The following TRPV6 variants were observed in gnomAD, a reference collection of about 807,000 sequenced individuals.
TRPV6 encodes the protein Alu-binding protein with zinc finger domain.
Under a neutral mutation model 79.0 loss-of-function variants are expected in TRPV6, and 39 were observed. The ratio of observed to expected loss-of-function variants is 0.49; its 90% CI spans 0.38 to 0.64. The LOEUF (loss-of-function observed/expected upper bound fraction) is 0.64, where lower values mean the gene tolerates loss of function less well. Ranked by LOEUF, TRPV6 falls within the 30% of genes least tolerant of loss-of-function variation. The pLI, the probability that TRPV6 is intolerant of heterozygous loss-of-function variation, is 0.00. For synonymous variants in TRPV6, 373 were observed against 391.9 expected, an observed-to-expected ratio of 0.95 and a Z score of 0.57; for missense variants, 813 against 1,011.1, an observed-to-expected ratio of 0.80 and a Z score of 2.66.
In TRPV6 at chr7:142,874,920, G is replaced by T; in HGVS notation, c.1390C>A (p.Pro464Thr). The change falls in exon 10 of 15, where the codon CCA becomes ACA. Residue 464 changes from proline (P) to threonine (T), a missense_variant. By Grantham distance (38) the Pro-to-Thr change is conservative. Around this residue, in one of 3 missense-constraint regions of TRPV6, gnomAD observed 555 missense variants for 631.0 expected, o/e 0.88. Transcript: ENST00000359396. Reference sequence around the variant, plus strand: ...GAAACTCACATGAGGACATGGAATGGGCCCCCAAGGATGGTCTGTCCAAAG... The same window carrying T: ...GAAACTCACATGAGGACATGGAATGTGCCCCCAAGGATGGTCTGTCCAAAG... The T allele has an allele frequency of 6.2e-7, 1 of 1,614,096 alleles. No homozygotes were observed. Among genetic ancestry groups the T allele is most frequent in the Non-Finnish European group, 8.5e-7 (1 of 1,180,012 alleles).
chr7:142,874,904 A>C lies in TRPV6; in HGVS notation c.1406T>G (p.Ile469Ser). The change falls in exon 10 of 15, where the codon ATC (isoleucine) becomes AGC (serine). Residue 469 changes from isoleucine (I) to serine (S), a missense_variant and splice_region_variant. Coordinates refer to ENST00000359396, the MANE Select transcript of TRPV6 (RefSeq NM_018646.6). ...TGGGAGTGAGAGGAAGGAAACTCAC[A>C]TGAGGACATGGAATGGGCCCCCAAG... 2 of 1,614,168 alleles carry C rather than the reference A, an allele frequency of 1.2e-6. No individual in the cohort carries two copies.
At chr7:142,879,121 G>T (rs1795144238) in intron 1 of TRPV6, 1 of 152,198 alleles carries the variant, frequency 6.6e-6, no homozygotes, top group African/African-American at 2.4e-5. Flanking sequence ...GGCCAACAAT[G>T]ACAGATGCAG....
At chr7:142,874,278 G>A (rs1281521389) in intron 11 of TRPV6, 136 bp from the exon 12 acceptor site, 1 of 1,173,466 alleles carries the variant, frequency 8.5e-7, no homozygotes, top group Non-Finnish European at 1.2e-6. Flanking sequence ...TATGGCCTGT[G>A]GACCAGATCT....
At chr7:142,877,532 A>T (rs534252270) in intron 3 of TRPV6, 119 bp downstream of exon 3, 2 of 1,507,658 alleles carry the variant, frequency 1.3e-6, no homozygotes, top group East Asian at 4.5e-5. Context: ...CAGAGAAGAG[A>T]AAAAAAGAGT....
chr7:142,873,841 A>G lies in TRPV6; in HGVS notation c.1640-125T>C, dbSNP rs1794996185. The G allele has an allele frequency of 5.7e-6, 8 of 1,408,640 alleles. No individual in the cohort carries two copies. Among genetic ancestry groups the G allele is most frequent in the African/African-American group, 1.4e-5 (1 of 69,874 alleles). The allele number at this position is 1,408,640 out of a possible 1,614,324, so 87.3% of individuals were successfully genotyped here. On this transcript the variant is annotated intron_variant, in intron 12 of 14. Coordinates refer to ENST00000359396, the MANE Select transcript of TRPV6 (RefSeq NM_018646.6). This position sits in a 1 kb window ranked among gnomAD's most constrained non-coding sequence, Gnocchi z 4.8. ...ATATCACCAGCTCTGCAGTGCTCCA[A>G]ACTTTGGGTTTTTACGGTCCCTAGT...
At chr7:142,881,189 G>A (rs1795183387) in intron 1 of TRPV6, 2 of 152,188 alleles carry the variant, frequency 1.3e-5, no homozygotes, top group South Asian at 4.1e-4. Flanking sequence ...GGTGCACAGA[G>A]CTGACCTACT....
At position 142,876,834 on chromosome 7, in the gene TRPV6, T is replaced by C; in HGVS notation, c.611A>G (p.Glu204Gly). The C allele has an allele frequency of 6.2e-7, 1 of 1,613,958 alleles. No homozygotes were observed. The highest frequency in any genetic ancestry group is 8.5e-7 in the Non-Finnish European group (1 of 1,179,956). Residue 204 changes from glutamate to glycine, a missense_variant, in exon 5 of 15, where the codon GAG becomes GGG. Coordinates refer to ENST00000359396, the MANE Select transcript of TRPV6 (RefSeq NM_018646.6). ...ACAGGCAGCAAAGGACAAAGGGTGC[T>C]CCCCTGTGGACACAGAGAGATCTAT...
chr7:142,875,259 T>G (rs1269630752), intron 8 of TRPV6, 95 bp from the exon 9 acceptor site: 4 of 1,457,722 alleles, frequency 2.7e-6, no homozygotes, highest in Non-Finnish European at 3.8e-6. Flanking sequence ...TAGCAGATTC[T>G]TTTTAATCTG....
chr7:142,875,715 C>G, intron 7 of TRPV6, 35 bp from the exon 8 acceptor site: 1 of 1,601,656 alleles, frequency 6.2e-7, no homozygotes, highest in South Asian at 1.1e-5. Context: ...CTCAGAGACC[C>G]TGACACCCCT....
chr7:142,881,334 T>C (rs1268322217), intron 1 of TRPV6: 1 of 152,122 alleles, frequency 6.6e-6, no homozygotes, highest in Non-Finnish European at 1.5e-5. Context: ...CTGCAAAGAA[T>C]TATCCTGTCC....
In TRPV6 at chr7:142,874,644, G is replaced by T; in HGVS notation, c.1419C>A (p.Ala473=). 6.2e-7 allele frequency: 1 copy of T among 1,613,824 alleles called. No homozygotes were observed. Among genetic ancestry groups the T allele is most frequent in the Non-Finnish European group, 8.5e-7 (1 of 1,179,820 alleles). Reference sequence around the variant, plus strand: ...TCACCATGGTCACCAGCACCATGAAGGCATAGGTGATGCTGGGGGAGCAGG... The same window carrying T: ...TCACCATGGTCACCAGCACCATGAATGCATAGGTGATGCTGGGGGAGCAGG... The change falls in exon 11 of 15, where the codon GCC becomes GCA. Residue 473 remains alanine, a synonymous_variant. Coordinates refer to ENST00000359396, the MANE Select transcript of TRPV6 (RefSeq NM_018646.6).
chr7:142,878,156 A>G (rs1329149514), intron 1 of TRPV6, 130 bp from the exon 2 acceptor site: 4 of 725,784 alleles, frequency 5.5e-6, no homozygotes, highest in African/African-American at 1.8e-5. Flanking sequence ...AGGGTCTTCA[A>G]TCAAGGCAGG....
Position 142,877,190 on chromosome 7 carries a change from C to G in TRPV6, c.559G>C (p.Ala187Pro), listed in dbSNP as rs764980896. Residue 187 changes from alanine (A) to proline (P), a missense_variant, in exon 4 of 15, where the codon GCC (alanine) becomes CCC (proline). Ala to Pro is a conservative substitution (Grantham distance 27). Coordinates refer to ENST00000359396, the MANE Select transcript of TRPV6 (RefSeq NM_018646.6). ...CTACGGCGGAAGGCAGTGCCTGTGGCTCTGGCAGAGACACTGGCCCTGCGG... is the reference window on the plus strand; with the variant it reads ...CTACGGCGGAAGGCAGTGCCTGTGGGTCTGGCAGAGACACTGGCCCTGCGG... The G allele has an allele frequency of 6.2e-7, 1 of 1,614,210 alleles. No homozygotes were observed.
chr7:142,875,309 A>C (rs1795035110), intron 8 of TRPV6, 145 bp from the exon 9 acceptor site: 2 of 1,227,342 alleles, frequency 1.6e-6, no homozygotes, highest in African/African-American at 3.1e-5. Flanking sequence ...TCAGAGTAAG[A>C]GCGTATGTGT....
At chr7:142,874,410 C>G in intron 11 of TRPV6, 81 bp downstream of exon 11, 1 of 1,552,094 alleles carries the variant, frequency 6.4e-7, no homozygotes, top group Admixed American at 1.7e-5. Flanking sequence ...CCTGCAATGT[C>G]TACTGTTCTG....
intron 1 of TRPV6, chr7:142,883,316 AAG>A (rs1308912384): frequency 9.2e-5 from 14 of 152,172 alleles, no homozygotes; most frequent in Admixed American, 9.2e-4. Context: ...CCACTGTAAA[AAG>A]AGGAGTTTGG....
At position 142,874,573 on chromosome 7, in the gene TRPV6, G is replaced by A. The variant is rs771368817; in HGVS notation, c.1490C>T (p.Ala497Val). 2.5e-6 allele frequency: 4 copies of A among 1,614,084 alleles called. No homozygotes were observed. Among genetic ancestry groups the A allele is most frequent in the Non-Finnish European group, 3.4e-6 (4 of 1,180,020 alleles). ...GACGTTGCACCAGCCCAGCACGAGTGCAAAGGACATGGGTACCACCTCCCC... is the reference window on the plus strand; with the variant it reads ...GACGTTGCACCAGCCCAGCACGAGTACAAAGGACATGGGTACCACCTCCCC... The change falls in exon 11 of 15, where the codon GCA becomes GTA. Residue 497 changes from alanine (A) to valine (V), a missense_variant. Physicochemically the swap from Ala to Val is moderately conservative, Grantham distance 64. Around this residue, in one of 3 missense-constraint regions of TRPV6, gnomAD observed 94 missense variants for 194.0 expected, o/e 0.48. Coordinates refer to ENST00000359396, the MANE Select transcript of TRPV6 (RefSeq NM_018646.6).
chr7:142,875,126 G>A lies in TRPV6; in HGVS notation c.1281C>T (p.Val427=), dbSNP rs375176748. 80 of 1,613,886 alleles carry A rather than the reference G, an allele frequency of 5.0e-5. No individual in the cohort carries two copies. Among genetic ancestry groups the A allele is most frequent in the South Asian group, 1.9e-4 (17 of 91,070 alleles). ...CCCCAATGACAGTCACCAGCTCCCC[G>A]ACCAGCCGGATATCGTCCTTAGGGG... is the stretch of plus-strand genomic sequence containing the variant. Residue 427 remains valine, a synonymous_variant, in exon 9 of 15, where the codon GTC becomes GTT. Transcript: ENST00000359396.
chr7:142,876,858 A>C (rs372888723), intron 4 of TRPV6, 21 bp from the exon 5 acceptor site: 1 of 1,613,682 alleles, frequency 6.2e-7, no homozygotes, highest in Admixed American at 1.7e-5. Context: ...AGAGAGATCT[A>C]TGGTAGGAGA....
Sources: allele counts gnomAD v4.1 joint callset, GRCh38; gene constraint gnomAD v4.1.1; regional missense constraint gnomAD v4.1.1; non-coding constraint Gnocchi (gnomAD v3.1); transcripts MANE v1.5; gene names NCBI Gene and HGNC (gene_info 2026-07-23, HGNC 2026-07-21).